Variants in MTUS2 observed in about 807,000 individuals in gnomAD.
MTUS2 encodes the protein microtubule associated scaffold protein 2, also known as microtubule-associated tumor suppressor candidate 2.
In MTUS2, 40 loss-of-function variants were observed where a neutral mutation model predicts 114.1. The ratio of observed to expected loss-of-function variants is 0.35; its 90% CI spans 0.27 to 0.46. The LOEUF (loss-of-function observed/expected upper bound fraction) is 0.46. MTUS2 is among the 20% of genes least tolerant of loss of function. MTUS2 has a pLI of 1.00. For synonymous variants in MTUS2, 688 were observed against 672.0 expected, an observed-to-expected ratio of 1.02 and a Z score of -0.37; for missense variants, 1,679 against 1,705.4, an observed-to-expected ratio of 0.98 and a Z score of 0.27.
At chr13:29,033,012 T>G (rs762048473) in intron 3 of MTUS2, among the ~76,000 whole-genome samples, 3 of 152,204 alleles carry the variant, frequency 2.0e-5, no homozygotes, top group Admixed American at 6.5e-5. Context: ...GAATTGCATA[T>G]ATAAAAGGTA....
intron 4 of MTUS2, among the ~76,000 whole-genome samples, chr13:29,076,548 T>C (rs1412331923): frequency 1.3e-5 from 2 of 152,188 alleles, no homozygotes; most frequent in Non-Finnish European, 2.9e-5. Flanking sequence ...TTTTCTGAGA[T>C]GAAGTGATTA....
intron 5 of MTUS2, among the ~76,000 whole-genome samples, chr13:29,252,234 AC>A (rs1359624825): frequency 1.1e-4 from 16 of 152,264 alleles, no homozygotes; most frequent in African/African-American, 3.4e-4. Flanking sequence ...TCCCCTTTCT[AC>A]AAATTAGTGG....
intron 7 of MTUS2, among the ~76,000 whole-genome samples, chr13:29,334,990 G>C (rs1900978959): frequency 6.6e-6 from 1 of 152,126 alleles, no homozygotes; most frequent in Admixed American, 6.5e-5. Flanking sequence ...ATGTGTGTTT[G>C]AACAATATCA....
intron 2 of MTUS2, among the ~76,000 whole-genome samples, chr13:29,007,965 T>A (rs1322324416): frequency 6.6e-6 from 1 of 152,192 alleles, no homozygotes; most frequent in Non-Finnish European, 1.5e-5. Flanking sequence ...CATATATGAT[T>A]ATTATTTGTA....
At chr13:29,491,424 ATGTG>A (rs906488677) in intron 11 of MTUS2, among the ~76,000 whole-genome samples, 4 of 121,906 alleles carry the variant, frequency 3.3e-5, no homozygotes, top group Admixed American at 8.3e-5. Context: ...GTGTGGAGGA[ATGTG>A]TGTGGTGTGT....
At chr13:29,432,646 G>A (rs1268923902) in intron 8 of MTUS2, among the ~76,000 whole-genome samples, 1 of 152,166 alleles carries the variant, frequency 6.6e-6, no homozygotes, top group Admixed American at 6.5e-5. Context: ...CCCCTGAAAT[G>A]TTCCTGGCCC....
At chr13:28,935,038 A>G (rs772926520) in intron 2 of MTUS2, among the ~76,000 whole-genome samples, 59 of 54,636 alleles carry the variant, frequency 1.1e-3, no homozygotes, top group Admixed American at 1.7e-3. Context: ...TTTTTTGCCC[A>G]TGCTTCTTGT....
At chr13:29,388,144 A>G (rs1872756998) in intron 8 of MTUS2, among the ~76,000 whole-genome samples, 1 of 152,154 alleles carries the variant, frequency 6.6e-6, no homozygotes, top group Non-Finnish European at 1.5e-5. Flanking sequence ...GTTTGGGCAG[A>G]TGACCAGGAT....
At chr13:29,356,083 T>G (rs545000191) in intron 7 of MTUS2, among the ~76,000 whole-genome samples, 7 of 152,126 alleles carry the variant, frequency 4.6e-5, no homozygotes, top group Non-Finnish European at 1.0e-4. Flanking sequence ...CTTTGAACCT[T>G]AGACCACCCC....
intron 2 of MTUS2, among the ~76,000 whole-genome samples, chr13:28,984,844 A>G (rs980754948): frequency 1.3e-5 from 2 of 152,208 alleles, no homozygotes; most frequent in African/African-American, 4.8e-5. Flanking sequence ...ATTCACACTA[A>G]ATGAGATTTC....
At chr13:29,086,934 G>A (rs557605929) in intron 4 of MTUS2, among the ~76,000 whole-genome samples, 1 of 152,122 alleles carries the variant, frequency 6.6e-6, no homozygotes, top group South Asian at 2.1e-4. Flanking sequence ...TATGGTACTG[G>A]GTTTTATATA....
At chr13:29,501,914 T>A (rs1031058920) in intron 15 of MTUS2, among the ~76,000 whole-genome samples, 4 of 151,858 alleles carry the variant, frequency 2.6e-5, no homozygotes, top group African/African-American at 9.7e-5. Flanking sequence ...CACACACTCA[T>A]ATACTCATAC....
chr13:28,943,788 G>A (rs924900668), intron 2 of MTUS2, among the ~76,000 whole-genome samples: 2 of 152,178 alleles, frequency 1.3e-5, no homozygotes, highest in Non-Finnish European at 2.9e-5. Flanking sequence ...AGCTGGAGGG[G>A]TGGCTGGAAG....
intron 5 of MTUS2, among the ~76,000 whole-genome samples, chr13:29,137,317 G>T (rs779123344): frequency 6.6e-6 from 1 of 151,964 alleles, no homozygotes; most frequent in Non-Finnish European, 1.5e-5. Context: ...CTGTTTCTTG[G>T]TGTGGGCCTC....
intron 3 of MTUS2, 21 bp downstream of exon 3, chr13:29,026,924 T>C: frequency 6.4e-7 from 1 of 1,562,292 alleles, no homozygotes; most frequent in Non-Finnish European, 8.6e-7. Context: ...GTCATTATGA[T>C]ATGGTCTATA....
chr13:29,119,633 C>T (rs925445542), intron 5 of MTUS2, among the ~76,000 whole-genome samples: 3 of 152,092 alleles, frequency 2.0e-5, no homozygotes, highest in Admixed American at 1.3e-4. Flanking sequence ...GACCTGAGCA[C>T]CAGGAGTACT....
At chr13:29,053,275 A>G (rs750148288) in intron 4 of MTUS2, among the ~76,000 whole-genome samples, 3 of 152,232 alleles carry the variant, frequency 2.0e-5, no homozygotes, top group Non-Finnish European at 4.4e-5. Flanking sequence ...ACGTTGCTTT[A>G]CAGATGAGGC....
At chr13:29,293,155 G>A (rs17073173) in intron 6 of MTUS2, among the ~76,000 whole-genome samples, 48,859 of 151,878 alleles carry the variant, frequency 0.32, 8,489 homozygotes, top group East Asian at 0.67. Flanking sequence ...TACAATGAAA[G>A]ACATCATAGA....
intron 2 of MTUS2, among the ~76,000 whole-genome samples, chr13:28,969,621 G>C (rs1043242165): frequency 6.6e-6 from 1 of 151,912 alleles, no homozygotes; most frequent in African/African-American, 2.4e-5. Flanking sequence ...TCCTGCCTCA[G>C]CCTCCCAAAT....
Sources: gnomAD v4.1 joint callset for allele counts (sites outside exome capture counted in the v4.1 genomes callset) on GRCh38, gnomAD v4.1.1 for gene constraint, MANE v1.5 for transcripts, NCBI Gene and HGNC (gene_info 2026-07-23, HGNC 2026-07-21) for gene names.